The following ABCA12 variants were observed in gnomAD, a reference collection of about 807,000 sequenced individuals.
The protein encoded by ABCA12 is ATP binding cassette subfamily A member 12.
ABCA12 carries 156 observed loss-of-function variants against 293.5 expected under a neutral mutation model. That is an observed-to-expected ratio of 0.53 (90% CI 0.47 to 0.61). ABCA12 has a LOEUF of 0.61. Ranked by LOEUF, ABCA12 falls within the 20% of genes least tolerant of loss-of-function variation. The probability of loss-of-function intolerance (pLI) is 0.00; values close to 1 mark genes in which losing one functional copy is unlikely to be tolerated. For synonymous variants in ABCA12, 1,063 were observed against 1,108.0 expected (o/e 0.96, Z 0.81); for missense variants, 2,797 against 3,090.2 (o/e 0.91, Z 2.25).
Position 214,948,671 on chromosome 2 carries a change from ATC to A in ABCA12, c.7027_7028del (p.Asp2343Ter), listed in dbSNP as rs1559107860. The A allele has an allele frequency of 1.2e-6, 2 of 1,614,106 alleles. No homozygotes were observed. The highest frequency in any genetic ancestry group is 2.2e-5 in the South Asian group (2 of 91,082). On this transcript the variant is annotated frameshift_variant, in exon 47 of 53. Coordinates refer to ENST00000272895, the MANE Select transcript of ABCA12 (RefSeq NM_173076.3). LOFTEE classifies it high-confidence loss of function. ...AATGTTCTTCCACAGTTACCAGGTCATCTAAGGCATCTTCCTGAGGACAGTAG... is the reference window on the plus strand; with the variant it reads ...AATGTTCTTCCACAGTTACCAGGTCATAAGGCATCTTCCTGAGGACAGTAG... The part of the protein sequence containing the change: ...VGYCPQEDAL[D>X]DLVTVEEHLY...
In ABCA12 at chr2:214,978,951, C is replaced by T. The variant is rs902778823; in HGVS notation, c.4830G>A (p.Glu1610=). ...QSHLPEAYLK[E]DIGGELVYVL... is the part of the protein sequence containing the mutation. The stretch of plus-strand genomic sequence containing the variant: ...CATAAACAAGCTCTCCCCCAATATC[C>T]TCCTTGAGGTAGGCTTCGGGGAGAT... The change falls in exon 32 of 53, where the codon GAG becomes GAA. Residue 1610 remains glutamate, a synonymous_variant. Coordinates refer to ENST00000272895, the MANE Select transcript of ABCA12 (RefSeq NM_173076.3). 5.6e-6 allele frequency: 9 copies of T among 1,613,970 alleles called. No individual in the cohort carries two copies. Among genetic ancestry groups the T allele is most frequent in the Middle Eastern group, 1.6e-4 (1 of 6,084 alleles).
chr2:215,064,131 G>C lies in ABCA12; in HGVS notation c.252C>G (p.Asp84Glu), dbSNP rs777584048. Residue 84 changes from aspartate (D) to glutamate (E), a missense_variant, in exon 3 of 53, where the codon GAC becomes GAG. By Grantham distance (45) the Asp-to-Glu change is conservative (BLOSUM62 2). Coordinates refer to ENST00000272895, the MANE Select transcript of ABCA12 (RefSeq NM_173076.3). Reference sequence around the variant, plus strand: ...GCAGATCTTGTGGGCCATAGGGTGTGTCTTTGCATTTAGAGTCTGTGTCAC... The same window carrying C: ...GCAGATCTTGTGGGCCATAGGGTGTCTCTTTGCATTTAGAGTCTGTGTCAC... ...LLCDTDSKCK[D>E]TPYGPQDLLR... 8 of 1,612,800 alleles carry C rather than the reference G, an allele frequency of 5.0e-6. No individual in the cohort carries two copies. Among genetic ancestry groups the C allele is most frequent in the Non-Finnish European group, 5.9e-6 (7 of 1,179,254 alleles).
intron 33 of ABCA12, among the ~76,000 whole-genome samples, 176 bp downstream of exon 33, chr2:214,978,140 G>A (rs900766376): frequency 3.3e-5 from 5 of 152,100 alleles, no homozygotes; most frequent in African/African-American, 7.2e-5. Context: ...TAGAGAATTC[G>A]ATTTGGTTTA....
chr2:214,991,139 C>T (rs1699904284), intron 23 of ABCA12, 108 bp from the exon 24 acceptor site: 1 of 990,668 alleles, frequency 1.0e-6, no homozygotes, highest in Admixed American at 2.0e-5. Context: ...GTATATGGAA[C>T]TAGGCATTTT....
At chr2:215,017,842 A>C in intron 14 of ABCA12, 166 bp downstream of exon 14, 1 of 892,480 alleles carries the variant, frequency 1.1e-6, no homozygotes, top group South Asian at 1.7e-5. Flanking sequence ...TTGCTTCAGA[A>C]TTTTTCTTCT....
chr2:215,119,752 A>AAAAAAAAAAAAAAAAAAAAAAAAAAAAC (rs1203424589), intron 1 of ABCA12, among the ~76,000 whole-genome samples: 1 of 142,966 alleles, frequency 7.0e-6, no homozygotes, highest in African/African-American at 2.9e-5. Context: ...AAAAAAAAAA[A>AAAAAAAAAAAAAAAAAAAAAAAAAAAAC]TGAAAACAAA....
chr2:215,137,379 G>A (rs963558609), intron 1 of ABCA12, among the ~76,000 whole-genome samples: 2 of 152,110 alleles, frequency 1.3e-5, no homozygotes, highest in Admixed American at 6.5e-5. Flanking sequence ...GGATTTCCCC[G>A]ATTTTCAAAC....
chr2:215,085,988 G>A (rs1283098438), intron 2 of ABCA12, among the ~76,000 whole-genome samples: 3 of 152,186 alleles, frequency 2.0e-5, no homozygotes, highest in African/African-American at 7.2e-5. Context: ...TTGAAGGCCA[G>A]ACAATGACAG....
At chr2:215,024,978 A>C (rs1168988174) in intron 11 of ABCA12, among the ~76,000 whole-genome samples, 1 of 152,178 alleles carries the variant, frequency 6.6e-6, no homozygotes, top group African/African-American at 2.4e-5. Context: ...CATAAATTTT[A>C]ATATAAATTA....
At chr2:215,004,579 G>A (rs1185089660) in intron 19 of ABCA12, among the ~76,000 whole-genome samples, 1 of 152,126 alleles carries the variant, frequency 6.6e-6, no homozygotes, top group African/African-American at 2.4e-5. Flanking sequence ...ATTTATATTC[G>A]ATTTAACAGG....
At chr2:214,973,821 A>G (rs1699444241) in intron 36 of ABCA12, 128 bp downstream of exon 36, 1 of 809,632 alleles carries the variant, frequency 1.2e-6, no homozygotes, top group South Asian at 1.4e-5. Context: ...CCAGATCCAT[A>G]TTTCTGAGCT....
chr2:215,059,713 G>A (rs1454525529), intron 3 of ABCA12, among the ~76,000 whole-genome samples: 1 of 151,916 alleles, frequency 6.6e-6, no homozygotes. Flanking sequence ...TGGGGAGAAG[G>A]AGATAACACC....
intron 8 of ABCA12, chr2:215,032,191 A>G (rs774990476): frequency 1.3e-4 from 124 of 986,598 alleles, no homozygotes; most frequent in Non-Finnish European, 1.7e-4. Context: ...CAGGACCTGC[A>G]TATGCAGATG....
intron 2 of ABCA12, among the ~76,000 whole-genome samples, chr2:215,101,965 G>C (rs1013661992): frequency 1.3e-5 from 2 of 152,054 alleles, no homozygotes; most frequent in African/African-American, 4.8e-5. Flanking sequence ...CTCCCACACA[G>C]CTGCAGGAAC....
intron 7 of ABCA12, among the ~76,000 whole-genome samples, chr2:215,038,572 G>A (rs138699926): frequency 4.1e-4 from 62 of 152,280 alleles, no homozygotes; most frequent in African/African-American, 1.5e-3. Context: ...CATGACTGGT[G>A]ACACCTCAGG....
chr2:214,932,633 G>C lies in ABCA12; in HGVS notation c.*1C>G. 1 of 1,609,690 alleles carries C rather than the reference G, an allele frequency of 6.2e-7. No homozygotes were observed. The highest frequency in any genetic ancestry group is 8.5e-7 in the Non-Finnish European group (1 of 1,176,238). ...CGCTGAGATTGAGTTTGCTGGAAGT[G>C]TTAAGACTCCATCTGGTCATCTTGT... On this transcript the variant is annotated 3_prime_UTR_variant, in exon 53 of 53. Coordinates refer to ENST00000272895, the MANE Select transcript of ABCA12 (RefSeq NM_173076.3).
chr2:215,018,524 A>G (rs1392166489), intron 13 of ABCA12, among the ~76,000 whole-genome samples: 1 of 152,206 alleles, frequency 6.6e-6, no homozygotes, highest in African/African-American at 2.4e-5. Context: ...AATATTGTCA[A>G]TTTAGGACAA....
In ABCA12 at chr2:215,045,973, T is replaced by A. The variant is rs780798201; in HGVS notation, c.736A>T (p.Ile246Leu). Residue 246 changes from isoleucine to leucine, a missense_variant, in exon 7 of 53, where the codon ATA (isoleucine) becomes TTA (leucine). Physicochemically the swap from Ile to Leu is conservative, Grantham distance 5. This residue lies in a region of ABCA12 where 656 missense variants were observed against 638.2 expected (regional missense o/e 1.03). Transcript: ENST00000272895. Reference protein sequence around the residue: ...PNNQKIVFQEIVRMLSFFSQV... With the variant: ...PNNQKIVFQELVRMLSFFSQV... ...GAGAAGAAAGACAGCATTCTGACTA[T>A]TTCCTGAAACACTATCTTCTGATTG... 11 of 1,613,638 alleles carry A rather than the reference T, an allele frequency of 6.8e-6. No individual in the cohort carries two copies. Among genetic ancestry groups the A allele is most frequent in the Non-Finnish European group, 9.3e-6 (11 of 1,179,800 alleles).
chr2:215,091,533 A>G (rs778509572), intron 2 of ABCA12, among the ~76,000 whole-genome samples: 1 of 152,210 alleles, frequency 6.6e-6, no homozygotes, highest in Non-Finnish European at 1.5e-5. Context: ...AACAACCCTT[A>G]GACGCTTTAC....
Sources: gnomAD v4.1 joint callset for allele counts (sites outside exome capture counted in the v4.1 genomes callset) on GRCh38, gnomAD v4.1.1 for gene constraint, gnomAD v4.1.1 regional missense constraint, MANE v1.5 for transcripts, NCBI Gene and HGNC (gene_info 2026-07-23, HGNC 2026-07-21) for gene names.